Variants in SMYD3 observed in about 807,000 individuals in gnomAD.
SMYD3 encodes histone-lysine N-methyltransferase SMYD3.
A neutral mutation model predicts 57.7 loss-of-function variants in SMYD3; 36 were observed. That is an observed-to-expected ratio of 0.62 (90% CI 0.48 to 0.82). The LOEUF is 0.82. SMYD3 is among the 40% of genes least tolerant of loss of function. The pLI is 0.00. For synonymous variants in SMYD3, 211 were observed against 195.0 expected, an observed-to-expected ratio of 1.08 and a Z score of -0.68; for missense variants, 515 against 538.8, an observed-to-expected ratio of 0.96 and a Z score of 0.44.
rs567387966 is a variant in SMYD3, at chr1:245,853,531, C to T, written c.1076+4965G>A. On this transcript the variant is annotated intron_variant, in intron 10 of 11. Transcript: ENST00000490107. ...GGCGCGTGGCTGCACCAAACGTGCG[C>T]TCAGGTCTTCCCACTATAACATGTA... Among the ~76,000 whole-genome samples the T allele has an allele frequency of 4.6e-5, 7 of 152,316 alleles. No homozygotes were observed. The East Asian group carries it at 1.4e-3, about 29-fold the overall frequency.
rs1231108940 is a variant in SMYD3, at chr1:245,806,843, G to GAGCTTGCA, written c.1077-42702_1077-42695dup. On this transcript the variant is annotated intron_variant, in intron 10 of 11. Coordinates refer to ENST00000490107, the MANE Select transcript of SMYD3 (RefSeq NM_001167740.2). ...GAGAATGGCGTGAACCCGGGAGGCGGAGCTTGCAGTGAGCCGAGATCGCGC... is the reference window on the plus strand; with the variant it reads ...GAGAATGGCGTGAACCCGGGAGGCGGAGCTTGCAAGCTTGCAGTGAGCCGAGATCGCGC... 8.2e-5 allele frequency among the ~76,000 whole-genome samples: 12 copies of GAGCTTGCA among 146,028 alleles called. No homozygotes were observed. In the Admixed American group the frequency reaches 8.3e-4, roughly 10 times the overall value.
chr1:245,964,879 A>T (rs1490888673), intron 5 of SMYD3, among the ~76,000 whole-genome samples: 1 of 152,146 alleles, frequency 6.6e-6, no homozygotes, highest in Non-Finnish European at 1.5e-5. Flanking sequence ...TAGAAAGAGA[A>T]TAAAGAGGGA....
chr1:246,304,198 G>A lies in SMYD3; in HGVS notation c.531+23003C>T, dbSNP rs190073993. On this transcript the variant is annotated intron_variant, in intron 5 of 11. Transcript: ENST00000490107. ...TAAAGATACTATATTTCAGATGCTC[G>A]TAACTAAGAAAACAAGCCATAATAC... Among the ~76,000 whole-genome samples, 59 of 152,166 alleles carry A rather than the reference G, an allele frequency of 3.9e-4. 1 individual carries two copies. Among genetic ancestry groups the A allele is most frequent in the African/African-American group, 1.3e-3 (52 of 41,544 alleles).
chr1:246,062,070 T>C (rs760041643), intron 5 of SMYD3, among the ~76,000 whole-genome samples: 3 of 152,202 alleles, frequency 2.0e-5, no homozygotes, highest in Non-Finnish European at 2.9e-5. Context: ...CAAAACTTCA[T>C]AGTTTTTCAG....
intron 5 of SMYD3, among the ~76,000 whole-genome samples, chr1:246,107,640 T>C (rs1393335927): frequency 6.6e-6 from 1 of 152,230 alleles, no homozygotes; most frequent in African/African-American, 2.4e-5. Flanking sequence ...TCCCAGCACT[T>C]GTCTCTTTAG....
chr1:245,887,218 T>A (rs544472751), intron 8 of SMYD3, among the ~76,000 whole-genome samples: 4 of 152,226 alleles, frequency 2.6e-5, no homozygotes, highest in Non-Finnish European at 5.9e-5. Flanking sequence ...AAAACCGAGA[T>A]GGCCATGAGA....
At chr1:246,462,393 C>T (rs568275646) in intron 1 of SMYD3, among the ~76,000 whole-genome samples, 1 of 152,236 alleles carries the variant, frequency 6.6e-6, no homozygotes, top group East Asian at 1.9e-4. Context: ...TCAGCGGTAC[C>T]CCCATCCTTG....
At chr1:246,247,963 T>C (rs568599374) in intron 5 of SMYD3, among the ~76,000 whole-genome samples, 2 of 152,284 alleles carry the variant, frequency 1.3e-5, no homozygotes, top group African/African-American at 4.8e-5. Flanking sequence ...CCTTTCCTGC[T>C]TCGCTGTCCC....
At chr1:246,310,354 A>C (rs979278852) in intron 5 of SMYD3, among the ~76,000 whole-genome samples, 6 of 152,214 alleles carry the variant, frequency 3.9e-5, no homozygotes, top group Non-Finnish European at 8.8e-5. Context: ...GCAGCCATTC[A>C]ATCCTGATGG....
chr1:246,298,514 G>T (rs1326558116), intron 5 of SMYD3, among the ~76,000 whole-genome samples: 6 of 152,064 alleles, frequency 3.9e-5, no homozygotes, highest in Admixed American at 1.3e-4. Flanking sequence ...TGCCACATTT[G>T]TTCCCAAGTA....
chr1:246,269,535 T>C (rs2064176236), intron 5 of SMYD3, among the ~76,000 whole-genome samples: 1 of 128,524 alleles, frequency 7.8e-6, no homozygotes. Flanking sequence ...TTCTGTTTCT[T>C]TTTTTTTCTT....
intron 5 of SMYD3, among the ~76,000 whole-genome samples, chr1:246,159,111 T>C (rs1484472896): frequency 6.6e-6 from 1 of 152,162 alleles, no homozygotes; most frequent in Non-Finnish European, 1.5e-5. Flanking sequence ...TCCTGAAGAA[T>C]GAGAGCGCCA....
At chr1:246,463,001 A>G (rs2067825908) in intron 1 of SMYD3, among the ~76,000 whole-genome samples, 1 of 152,154 alleles carries the variant, frequency 6.6e-6, no homozygotes, top group Admixed American at 6.5e-5. Flanking sequence ...GAATGCAAGA[A>G]AAACTTGGTG....
chr1:246,094,005 G>C (rs999943218), intron 5 of SMYD3, among the ~76,000 whole-genome samples: 7 of 152,096 alleles, frequency 4.6e-5, no homozygotes, highest in African/African-American at 1.7e-4. Context: ...TATGCGGACA[G>C]GGGCAGAGCT....
At chr1:246,506,320 C>A (rs1168322634) in intron 1 of SMYD3, among the ~76,000 whole-genome samples, 1 of 152,166 alleles carries the variant, frequency 6.6e-6, no homozygotes, top group African/African-American at 2.4e-5. Context: ...TCCAAAACAC[C>A]TTCACGTGAA....
chr1:245,774,206 C>G (rs1446202816), intron 10 of SMYD3, among the ~76,000 whole-genome samples: 1 of 152,228 alleles, frequency 6.6e-6, no homozygotes, highest in African/African-American at 2.4e-5. Context: ...CTGTCCTCCT[C>G]TGCTCTGTGG....
intron 10 of SMYD3, among the ~76,000 whole-genome samples, chr1:245,825,161 A>T (rs2049412777): frequency 1.3e-5 from 2 of 152,146 alleles, no homozygotes; most frequent in South Asian, 4.1e-4. Flanking sequence ...TTGCCTTAAG[A>T]CAGACATTAA....
intron 11 of SMYD3, among the ~76,000 whole-genome samples, chr1:245,756,717 G>T (rs1035590464): frequency 6.6e-6 from 1 of 150,928 alleles, no homozygotes; most frequent in Non-Finnish European, 1.5e-5. Context: ...GGCTTCTGTG[G>T]TTTCTGATGA....
chr1:245,944,042 G>A (rs2057352245), intron 5 of SMYD3, among the ~76,000 whole-genome samples: 1 of 152,082 alleles, frequency 6.6e-6, no homozygotes, highest in Non-Finnish European at 1.5e-5. Flanking sequence ...CATACTGAAT[G>A]GGCAAAAGCT....
Sources: allele counts gnomAD v4.1 joint callset (sites outside exome capture counted in the v4.1 genomes callset), GRCh38; gene constraint gnomAD v4.1.1; transcripts MANE v1.5; gene names NCBI Gene and HGNC (gene_info 2026-07-23, HGNC 2026-07-21).